Variants in BRPF3 observed in about 807,000 individuals in gnomAD.
BRPF3 encodes the protein bromodomain and PHD finger-containing protein 3.
A neutral mutation model predicts 102.0 loss-of-function variants in BRPF3; 18 were observed. That is an observed-to-expected ratio of 0.18 (90% CI 0.12 to 0.26). BRPF3 has a LOEUF of 0.26. Ranked by LOEUF, BRPF3 falls within the 10% of genes least tolerant of loss-of-function variation. The probability of loss-of-function intolerance (pLI) is 1.00; values close to 1 mark genes in which losing one functional copy is unlikely to be tolerated. For missense variants in BRPF3, 1,147 were observed against 1,567.8 expected, an observed-to-expected ratio of 0.73 and a Z score of 4.53; for synonymous variants, 570 against 614.2, an observed-to-expected ratio of 0.93 and a Z score of 1.06.
rs1288578443 is a variant in BRPF3, at chr6:36,210,510, C to T, written c.2161C>T (p.Arg721Cys). The T allele has an allele frequency of 4.5e-5, 71 of 1,595,300 alleles. No individual in the cohort carries two copies. The highest frequency in any genetic ancestry group is 7.7e-5 in the South Asian group (7 of 90,344). Reference sequence around the variant, plus strand: ...GTCACCCAAATTGGAAGACTTTTACCGCTTCTCCTGGGAAGACGGTGAGAG... The same window carrying T: ...GTCACCCAAATTGGAAGACTTTTACTGCTTCTCCTGGGAAGACGGTGAGAG... ...PESPKLEDFYRFSWEDVDNIL... is the reference protein window; with the variant it reads ...PESPKLEDFYCFSWEDVDNIL... Residue 721 changes from arginine to cysteine, a missense_variant, in exon 6 of 13, where the codon CGC becomes TGC. Around this residue, in one of 11 missense-constraint regions of BRPF3, gnomAD observed 109 missense variants for 175.1 expected, o/e 0.62. Coordinates refer to ENST00000357641, the MANE Select transcript of BRPF3 (RefSeq NM_015695.3). This position sits in a 1 kb window ranked among gnomAD's most constrained non-coding sequence, Gnocchi z 4.7.
Position 36,210,001 on chromosome 6 carries a change from G to T in BRPF3, c.1866+86G>T, listed in dbSNP as rs559058892. The T allele has an allele frequency of 3.9e-5, 61 of 1,559,610 alleles. No homozygotes were observed. In the African/African-American group the frequency reaches 6.5e-4, roughly 17 times the overall value. ...GGCTAGGAAGGAGTTGGGCCACAGGGTGTACAAAACCAGGGGTAGGAGGGT... is the reference window on the plus strand; with the variant it reads ...GGCTAGGAAGGAGTTGGGCCACAGGTTGTACAAAACCAGGGGTAGGAGGGT... On this transcript the variant is annotated intron_variant, in intron 5 of 12. Transcript: ENST00000357641. This position sits in a 1 kb window ranked among gnomAD's most constrained non-coding sequence, Gnocchi z 4.7.
intron 9 of BRPF3, among the ~76,000 whole-genome samples, chr6:36,219,671 A>C (rs1768464912): frequency 6.6e-6 from 1 of 152,186 alleles, no homozygotes; most frequent in Admixed American, 6.5e-5. Flanking sequence ...GGCCCCTTGG[A>C]GGAAGTATGT....
At chr6:36,225,111 C>T (rs1017566462) in intron 10 of BRPF3, among the ~76,000 whole-genome samples, 156 bp from the exon 11 acceptor site, 4 of 152,212 alleles carry the variant, frequency 2.6e-5, no homozygotes, top group Non-Finnish European at 5.9e-5. Context: ...CTGATCCAGT[C>T]TAACTTCTAA....
intron 9 of BRPF3, 91 bp downstream of exon 9, chr6:36,218,101 C>G (rs1040308857): frequency 1.8e-6 from 2 of 1,125,974 alleles, no homozygotes; most frequent in Non-Finnish European, 2.6e-6. Context: ...TTCCTGCTTA[C>G]CTTTTTCTCT....
At chr6:36,221,434 G>A (rs1461003595) in intron 9 of BRPF3, among the ~76,000 whole-genome samples, 9 of 151,774 alleles carry the variant, frequency 5.9e-5, no homozygotes, top group Admixed American at 3.3e-4. Context: ...GTACAGACAC[G>A]TGCCACCACG....
At position 36,213,897 on chromosome 6, in the gene BRPF3, C is replaced by A. The variant is rs1315988969; in HGVS notation, c.2500C>A (p.Pro834Thr). 2.5e-6 allele frequency: 4 copies of A among 1,601,850 alleles called. No individual in the cohort carries two copies. In the African/African-American group the frequency reaches 5.4e-5, roughly 22 times the overall value. The part of the protein sequence containing the change: ...DGDRDDSKLP[P>T]PPTLEPTGPA... ...TCTAATAGATGACTCCAAACTGCCT[C>A]CTCCGCCAACCCTGGAGCCCACTGG... Residue 834 changes from proline to threonine, a missense_variant, in exon 8 of 13, where the codon CCT (proline) becomes ACT (threonine). Pro to Thr is a conservative substitution (Grantham distance 38). Around this residue, in one of 11 missense-constraint regions of BRPF3, gnomAD observed 379 missense variants for 426.3 expected, o/e 0.89. Transcript: ENST00000357641.
Position 36,204,750 on chromosome 6 carries a change from G to A in BRPF3, c.1541G>A (p.Arg514Gln), listed in dbSNP as rs777000359. ...TATTGGCTGTTGAAGCGGCAGGCACGGAATGGTGTCCCTCTTATCCGGCGC... is the reference window on the plus strand; with the variant it reads ...TATTGGCTGTTGAAGCGGCAGGCACAGAATGGTGTCCCTCTTATCCGGCGC... ...HNYWLLKRQARNGVPLIRRLH... is the reference protein window; with the variant it reads ...HNYWLLKRQAQNGVPLIRRLH... The change falls in exon 3 of 13, where the codon CGG becomes CAG. Residue 514 changes from arginine (R) to glutamine (Q), a missense_variant. Arg to Gln is a conservative substitution (Grantham distance 43, BLOSUM62 1). Coordinates refer to ENST00000357641, the MANE Select transcript of BRPF3 (RefSeq NM_015695.3). The A allele has an allele frequency of 1.4e-5, 22 of 1,614,092 alleles. No homozygotes were observed. Among genetic ancestry groups the A allele is most frequent in the Admixed American group, 3.3e-5 (2 of 60,010 alleles).
At chr6:36,204,420 T>A (rs1767831454) in intron 2 of BRPF3, 1 of 535,020 alleles carries the variant, frequency 1.9e-6, no homozygotes, top group African/African-American at 1.9e-5. Flanking sequence ...ATGGTTCTTT[T>A]GGAGGATTAG....
chr6:36,209,899 C>G lies in BRPF3; in HGVS notation c.1850C>G (p.Pro617Arg). ...EKDPAHIFAE[P>R]VNLSEVPDYL... ...GATCCTGCACACATCTTCGCAGAAC[C>G]AGTCAACTTGAGTGAGGCAAGTTCC... The change falls in exon 5 of 13, where the codon CCA (proline) becomes CGA (arginine). Residue 617 changes from proline to arginine, a missense_variant. By Grantham distance (103) the Pro-to-Arg change is moderately radical (BLOSUM62 -2). Transcript: ENST00000357641. 6.2e-7 allele frequency: 1 copy of G among 1,614,098 alleles called. No individual in the cohort carries two copies. The highest frequency in any genetic ancestry group is 8.5e-7 in the Non-Finnish European group (1 of 1,179,974).
chr6:36,207,189 T>G, intron 3 of BRPF3, 124 bp from the exon 4 acceptor site: 1 of 1,278,922 alleles, frequency 7.8e-7, no homozygotes, highest in Non-Finnish European at 1.1e-6. Context: ...GTGGAAGGGC[T>G]CTTGGAACTG....
chr6:36,214,758 T>C (rs938026406), intron 8 of BRPF3, among the ~76,000 whole-genome samples: 1 of 152,134 alleles, frequency 6.6e-6, no homozygotes, highest in African/African-American at 2.4e-5. Context: ...TCTGCTCTCT[T>C]ATGGGGGAAT....
At chr6:36,213,852 T>A in intron 7 of BRPF3, 28 bp from the exon 8 acceptor site, 1 of 1,558,618 alleles carries the variant, frequency 6.4e-7, no homozygotes, top group Non-Finnish European at 8.7e-7. Context: ...TCTAAAATGT[T>A]CAAGCAGATT....
In BRPF3 at chr6:36,204,663, A is replaced by G. The variant is rs752178915; in HGVS notation, c.1454A>G (p.Asn485Ser). The G allele has an allele frequency of 6.2e-6, 10 of 1,614,064 alleles. No homozygotes were observed. Among genetic ancestry groups the G allele is most frequent in the Admixed American group, 1.7e-5 (1 of 60,004 alleles). ...TCCGTGTGCCTCTACTCAAGGTTGA[A>G]CAAGATCTGTAGTGGTCTCTCCTTT... ...AVPQIPSYRL[N>S]KICSGLSFQR... is the part of the protein sequence containing the mutation. Residue 485 changes from asparagine to serine, a missense_variant, in exon 3 of 13, where the codon AAC becomes AGC. Asn to Ser is a conservative substitution (Grantham distance 46). Around this residue, in one of 11 missense-constraint regions of BRPF3, gnomAD observed 157 missense variants for 163.6 expected, o/e 0.96. Transcript: ENST00000357641.
Position 36,207,339 on chromosome 6 carries a change from A to G in BRPF3, c.1632A>G (p.Ala544=). 3.7e-6 allele frequency: 6 copies of G among 1,614,030 alleles called. No homozygotes were observed. The highest frequency in any genetic ancestry group is 5.1e-6 in the Non-Finnish European group (6 of 1,179,980). ...GAGAGCAGGATGAGAAGACAAGTGCAGTGAAGGAGGAGCTGAAGTATTGGC... is the reference window on the plus strand; with the variant it reads ...GAGAGCAGGATGAGAAGACAAGTGCGGTGAAGGAGGAGCTGAAGTATTGGC... ...EQREQDEKTS[A]VKEELKYWQK... The change falls in exon 4 of 13, where the codon GCA becomes GCG. Residue 544 remains alanine (A), a synonymous_variant. Coordinates refer to ENST00000357641, the MANE Select transcript of BRPF3 (RefSeq NM_015695.3).
In BRPF3 at chr6:36,214,346, G is replaced by C. The variant is rs974547964; in HGVS notation, c.2949G>C (p.Glu983Asp). Residue 983 changes from glutamate to aspartate, a missense_variant, in exon 8 of 13, where the codon GAG (glutamate) becomes GAC (aspartate). This residue lies in a region of BRPF3 where 379 missense variants were observed against 426.3 expected (regional missense o/e 0.89). Coordinates refer to ENST00000357641, the MANE Select transcript of BRPF3 (RefSeq NM_015695.3). ...RKRPRSRSCS[E>D]SEGERSPQQE... ...GGCCAAGGAGCAGGAGCTGTAGTGAGAGCGAAGGGGAGAGGTCCCCCCAGC... is the reference window on the plus strand; with the variant it reads ...GGCCAAGGAGCAGGAGCTGTAGTGACAGCGAAGGGGAGAGGTCCCCCCAGC... 6.2e-7 allele frequency: 1 copy of C among 1,606,628 alleles called. No homozygotes were observed. The highest frequency in any genetic ancestry group is 1.3e-5 in the African/African-American group (1 of 74,780).
chr6:36,209,068 CTA>C (rs1297461452), intron 4 of BRPF3, among the ~76,000 whole-genome samples: 5 of 152,192 alleles, frequency 3.3e-5, no homozygotes, highest in African/African-American at 1.2e-4. Flanking sequence ...AATCCTATCT[CTA>C]TTCTTTTCTA....
At chr6:36,208,319 T>C (rs1338452718) in intron 4 of BRPF3, among the ~76,000 whole-genome samples, 2 of 152,214 alleles carry the variant, frequency 1.3e-5, no homozygotes, top group Non-Finnish European at 2.9e-5. Flanking sequence ...GTCACTCACA[T>C]GCTTCAGAGG....
rs1768912556 is a variant in BRPF3, at chr6:36,230,749, G to A, written c.*140G>A. 1 of 1,110,314 alleles carries A rather than the reference G, an allele frequency of 9.0e-7. No individual in the cohort carries two copies. Among genetic ancestry groups the A allele is most frequent in the African/African-American group, 1.6e-5 (1 of 63,172 alleles). 68.8% of individuals were successfully genotyped at this position (1,110,314 alleles called of 1,614,324 possible). On this transcript the variant is annotated 3_prime_UTR_variant, in exon 13 of 13. Coordinates refer to ENST00000357641, the MANE Select transcript of BRPF3 (RefSeq NM_015695.3). This position sits in a 1 kb window ranked among gnomAD's most constrained non-coding sequence, Gnocchi z 5.4. ...AGGGACTGGGCTTTCTCCCCACTAA[G>A]GGCAAGGCCCCAGTTTTGACCAATC... is the stretch of plus-strand genomic sequence containing the variant.
At position 36,209,640 on chromosome 6, in the gene BRPF3, G is replaced by A. The variant is rs188697556; in HGVS notation, c.1738-147G>A. On this transcript the variant is annotated intron_variant, in intron 4 of 12. Coordinates refer to ENST00000357641, the MANE Select transcript of BRPF3 (RefSeq NM_015695.3). ...TGTCATTATTCCTAGGCTAAAGGTT[G>A]GGTGATAGCTTCTCATATACTGGTC... The A allele has an allele frequency of 4.9e-4, 438 of 892,776 alleles. 7 individuals are homozygous for A. In the South Asian group the frequency reaches 8.3e-3, roughly 17 times the overall value. The allele number at this position is 892,776 out of a possible 1,614,324, so 55.3% of individuals were successfully genotyped here. A position where few individuals can be genotyped will look rare whatever the true frequency, so the allele number is the denominator to read the frequency against.
Sources: gnomAD v4.1 joint callset for allele counts (sites outside exome capture counted in the v4.1 genomes callset) on GRCh38, gnomAD v4.1.1 for gene constraint, gnomAD v4.1.1 regional missense constraint, Gnocchi (gnomAD v3.1) non-coding constraint, MANE v1.5 for transcripts, NCBI Gene and HGNC (gene_info 2026-07-23, HGNC 2026-07-21) for gene names.